The following CNOT4 variants were observed in gnomAD, a reference collection of about 807,000 sequenced individuals.
CNOT4 encodes CCR4-NOT transcription complex subunit 4.
A neutral mutation model predicts 73.8 loss-of-function variants in CNOT4; 8 were observed. The ratio of observed to expected loss-of-function variants is 0.11; its 90% CI spans 0.06 to 0.20. The LOEUF is 0.20. CNOT4 is among the 10% of genes least tolerant of loss of function. CNOT4 has a pLI of 1.00. For synonymous variants in CNOT4, 293 were observed against 321.1 expected (o/e 0.91, Z 0.94); for missense variants, 564 against 883.4 (o/e 0.64, Z 4.58).
intron 1 of CNOT4, among the ~76,000 whole-genome samples, chr7:135,443,354 CAA>C (rs756247803): frequency 1.8e-4 from 20 of 110,334 alleles, no homozygotes; most frequent in South Asian, 2.9e-4. Context: ...GATCCTGTCA[CAA>C]AAAAAAAAAA....
chr7:135,385,819 T>C (rs867397872), intron 10 of CNOT4, among the ~76,000 whole-genome samples: 1 of 152,294 alleles, frequency 6.6e-6, no homozygotes, highest in Middle Eastern at 3.4e-3. Flanking sequence ...ATGTGAAATA[T>C]AATTGTCACT....
At chr7:135,376,271 G>T (rs908437314) in intron 10 of CNOT4, among the ~76,000 whole-genome samples, 9 of 152,094 alleles carry the variant, frequency 5.9e-5, no homozygotes, top group Non-Finnish European at 1.3e-4. Flanking sequence ...AACATTTATT[G>T]CATGTCTACT....
At chr7:135,461,183 A>G (rs1800850466) in intron 1 of CNOT4, among the ~76,000 whole-genome samples, 1 of 152,146 alleles carries the variant, frequency 6.6e-6, no homozygotes, top group Non-Finnish European at 1.5e-5. Context: ...AGTCTAGTGT[A>G]ATGATTCTTA....
At chr7:135,408,216 T>C (rs1353441565) in intron 7 of CNOT4, among the ~76,000 whole-genome samples, 3 of 152,214 alleles carry the variant, frequency 2.0e-5, no homozygotes, top group Admixed American at 2.0e-4. Flanking sequence ...CACAGTGTTA[T>C]CAATAATATC....
At chr7:135,389,383 A>G (rs1438738875) in intron 10 of CNOT4, among the ~76,000 whole-genome samples, 2 of 151,370 alleles carry the variant, frequency 1.3e-5, no homozygotes, top group Non-Finnish European at 3.0e-5. Flanking sequence ...AATATTAACT[A>G]GTAAATTAAC....
intron 2 of CNOT4, among the ~76,000 whole-genome samples, chr7:135,435,961 C>A (rs1424712140): frequency 7.7e-3 from 2 of 260 alleles, no homozygotes; most frequent in African/African-American, 0.02. Context: ...GCTCTGACAC[C>A]ATACTTGACC....
At chr7:135,418,007 A>G (rs924516259) in intron 3 of CNOT4, among the ~76,000 whole-genome samples, 1 of 152,180 alleles carries the variant, frequency 6.6e-6, no homozygotes, top group African/African-American at 2.4e-5. Flanking sequence ...TTATTTATCT[A>G]CTACTACTTG....
At position 135,386,219 on chromosome 7, in the gene CNOT4, A is replaced by G. The variant is rs1340645277; in HGVS notation, c.1627+7699T>C. 3 of 149,154 alleles carry G rather than the reference A, an allele frequency of 2.0e-5. No individual in the cohort carries two copies. In the East Asian group the frequency reaches 5.9e-4, roughly 29 times the overall value. 9.2% of individuals were successfully genotyped at this position (149,154 alleles called of 1,614,324 possible). On this transcript the variant is annotated intron_variant, in intron 10 of 11. Coordinates refer to ENST00000541284, the MANE Select transcript of CNOT4 (RefSeq NM_001190850.2). The stretch of plus-strand genomic sequence containing the variant: ...TCCTTCACAAATCTAATAACTATGG[A>G]TCTTCTCCCTAGAAAAAAATGGACA...
intron 1 of CNOT4, among the ~76,000 whole-genome samples, chr7:135,482,480 TG>T (rs1802444018): frequency 6.6e-6 from 1 of 151,874 alleles, no homozygotes; most frequent in Non-Finnish European, 1.5e-5. Flanking sequence ...CGCTTGGACC[TG>T]GGAGGTGGAG....
At chr7:135,383,800 T>C (rs1795967576) in intron 10 of CNOT4, among the ~76,000 whole-genome samples, 1 of 152,208 alleles carries the variant, frequency 6.6e-6, no homozygotes, top group Non-Finnish European at 1.5e-5. Context: ...AAATCTAAAA[T>C]CATTCAACTC....
intron 1 of CNOT4, among the ~76,000 whole-genome samples, chr7:135,443,464 T>C (rs570749651): frequency 3.9e-5 from 6 of 152,074 alleles, no homozygotes; most frequent in Non-Finnish European, 7.4e-5. Context: ...GTGTTAAAGA[T>C]ACAATTCAAA....
At chr7:135,447,097 C>A (rs73158942) in intron 1 of CNOT4, among the ~76,000 whole-genome samples, 1 of 140,500 alleles carries the variant, frequency 7.1e-6, no homozygotes, top group Non-Finnish European at 1.6e-5. Context: ...TTGATGAATA[C>A]GTAAAAGAAA....
chr7:135,422,465 T>C (rs1400989215), intron 2 of CNOT4, 112 bp from the exon 3 acceptor site: 1 of 621,472 alleles, frequency 1.6e-6, no homozygotes, highest in African/African-American at 1.8e-5. Context: ...CATTCTCCCT[T>C]TATTAGAATG....
chr7:135,504,099 C>T (rs1386601101), intron 1 of CNOT4, among the ~76,000 whole-genome samples: 2 of 152,078 alleles, frequency 1.3e-5, no homozygotes, highest in Admixed American at 1.3e-4. Flanking sequence ...TTAGCACTTC[C>T]ACTCTATTCC....
At chr7:135,412,325 G>A (rs964050244) in intron 6 of CNOT4, among the ~76,000 whole-genome samples, 2 of 151,842 alleles carry the variant, frequency 1.3e-5, no homozygotes, top group African/African-American at 4.8e-5. Context: ...TACTTTAAAT[G>A]AGATCAACTG....
rs1794737630 is a variant in CNOT4 at position 135,363,258 on chromosome 7, T to C, written c.1841-72A>G. The C allele has an allele frequency of 2.8e-6, 4 of 1,449,646 alleles. No individual in the cohort carries two copies. In the East Asian group the frequency reaches 6.8e-5, roughly 25 times the overall value. The allele number at this position is 1,449,646 out of a possible 1,614,324, so 89.8% of individuals were successfully genotyped here. Reference sequence around the variant, plus strand: ...AAAGAATAAGGTCGTCAAACAAATTTAGAAAGCAAAACCAAAAGGAAAGAC... The same window carrying C: ...AAAGAATAAGGTCGTCAAACAAATTCAGAAAGCAAAACCAAAAGGAAAGAC... On this transcript the variant is annotated intron_variant, in intron 11 of 11. Transcript: ENST00000541284. This position sits in a 1 kb window ranked among gnomAD's most constrained non-coding sequence, Gnocchi z 4.3.
At chr7:135,446,798 T>C (rs1424554067) in intron 1 of CNOT4, among the ~76,000 whole-genome samples, 1 of 151,646 alleles carries the variant, frequency 6.6e-6, no homozygotes, top group Non-Finnish European at 1.5e-5. Context: ...CCATAAATTC[T>C]GGAGGTGGTT....
chr7:135,462,739 C>T (rs913700073), intron 1 of CNOT4, among the ~76,000 whole-genome samples: 12 of 152,128 alleles, frequency 7.9e-5, no homozygotes, highest in Non-Finnish European at 1.5e-4. Flanking sequence ...CTTAAAATAA[C>T]GAGTTTTGAG....
intron 6 of CNOT4, among the ~76,000 whole-genome samples, chr7:135,411,110 T>C (rs1018882983): frequency 6.6e-6 from 1 of 152,034 alleles, no homozygotes; most frequent in Non-Finnish European, 1.5e-5. Flanking sequence ...AAGTAATACA[T>C]AGATGAACAG....
Sources: gnomAD v4.1 joint callset for allele counts (sites outside exome capture counted in the v4.1 genomes callset) on GRCh38, gnomAD v4.1.1 for gene constraint, Gnocchi (gnomAD v3.1) non-coding constraint, MANE v1.5 for transcripts, NCBI Gene and HGNC (gene_info 2026-07-23, HGNC 2026-07-21) for gene names.